CCDC178: variants seen among roughly 807,000 people sequenced by gnomAD.
CCDC178 encodes the protein coiled-coil domain-containing protein 178.
A neutral mutation model predicts 117.4 loss-of-function variants in CCDC178; 126 were observed. The observed-to-expected ratio is 1.07, with a 90% CI of 0.93 to 1.24. CCDC178 has a LOEUF of 1.24. CCDC178 is among the 50% of genes most tolerant of loss of function. The pLI, the probability that CCDC178 is intolerant of heterozygous loss-of-function variation, is 0.00. For missense variants in CCDC178, 1,030 were observed against 986.9 expected, an observed-to-expected ratio of 1.04 and a Z score of -0.59; for synonymous variants, 283 against 313.4, an observed-to-expected ratio of 0.90 and a Z score of 1.02.
At chr18:33,389,433 T>C in intron 5 of CCDC178, 107 bp downstream of exon 5, 1 of 425,822 alleles carries the variant, frequency 2.3e-6, no homozygotes, top group Non-Finnish European at 4.1e-6. Context: ...CAATTAACGA[T>C]ATGTAGGATT....
chr18:32,959,283 T>C (rs1338211512), intron 22 of CCDC178, among the ~76,000 whole-genome samples: 1 of 152,136 alleles, frequency 6.6e-6, no homozygotes, highest in Non-Finnish European at 1.5e-5. Flanking sequence ...TGCAGTTTCT[T>C]ACATGAATGA....
At chr18:33,392,315 C>T (rs2063575066) in intron 4 of CCDC178, among the ~76,000 whole-genome samples, 1 of 152,148 alleles carries the variant, frequency 6.6e-6, no homozygotes, top group Non-Finnish European at 1.5e-5. Context: ...AACTTCAGTC[C>T]CGGTCCCTAA....
chr18:33,414,138 C>A (rs2144906308), intron 2 of CCDC178, among the ~76,000 whole-genome samples: 1 of 152,080 alleles, frequency 6.6e-6, no homozygotes, highest in East Asian at 1.9e-4. Context: ...ATAAATCGAT[C>A]ATGTTTATAA....
At chr18:33,352,878 T>C (rs1183219849) in intron 7 of CCDC178, among the ~76,000 whole-genome samples, 2 of 152,092 alleles carry the variant, frequency 1.3e-5, no homozygotes. Context: ...GAGAAGAATG[T>C]GTTTTCTGCT....
At chr18:32,972,607 G>A (rs903930349) in intron 22 of CCDC178, among the ~76,000 whole-genome samples, 1 of 152,066 alleles carries the variant, frequency 6.6e-6, no homozygotes, top group African/African-American at 2.4e-5. Context: ...TGATAAAAAT[G>A]AGTATTGCAG....
At chr18:32,985,678 A>T (rs1171478623) in intron 21 of CCDC178, among the ~76,000 whole-genome samples, 1 of 152,062 alleles carries the variant, frequency 6.6e-6, no homozygotes, top group Non-Finnish European at 1.5e-5. Flanking sequence ...ACTAAATTGA[A>T]GATACTCAAA....
rs1555694609 is a variant in CCDC178 at position 32,988,118 on chromosome 18, T to TCATAATCATAATAAA, written c.2389-13438_2389-13437insTTTATTATGATTATG. On this transcript the variant is annotated intron_variant, in intron 21 of 22. Coordinates refer to ENST00000383096, the MANE Select transcript of CCDC178 (RefSeq NM_001105528.4). Reference sequence around the variant, plus strand: ...ATAATAATAATAATAATAATAATAATAAATTTATCAAAATTAATCATAAAA... The same window carrying TCATAATCATAATAAA: ...ATAATAATAATAATAATAATAATAATCATAATCATAATAAAAAATTTATCAAAATTAATCATAAAA... Among the ~76,000 whole-genome samples the TCATAATCATAATAAA allele has an allele frequency of 2.6e-3, 352 of 132,878 alleles. 1 individual carries two copies. The highest frequency in any genetic ancestry group is 9.8e-3 in the African/African-American group (343 of 34,824). 87.2% of individuals were successfully genotyped at this position (132,878 alleles called of 152,430 possible).
intron 12 of CCDC178, among the ~76,000 whole-genome samples, chr18:33,274,647 T>C (rs2059926775): frequency 1.3e-5 from 2 of 152,038 alleles, no homozygotes; most frequent in Non-Finnish European, 2.9e-5. Context: ...TTGCCTCAGG[T>C]AGCTCAGATG....
chr18:33,028,245 T>C (rs561780506), intron 21 of CCDC178, among the ~76,000 whole-genome samples: 51 of 151,840 alleles, frequency 3.4e-4, no homozygotes, highest in African/African-American at 1.2e-3. Context: ...AGGCAACTTG[T>C]CAAGACAGAA....
At chr18:33,402,897 C>T (rs768402044) in intron 3 of CCDC178, among the ~76,000 whole-genome samples, 17 of 152,172 alleles carry the variant, frequency 1.1e-4, no homozygotes, top group African/African-American at 1.9e-4. Flanking sequence ...TACATGTCCA[C>T]GCTTTATTAG....
intron 18 of CCDC178, among the ~76,000 whole-genome samples, chr18:33,219,805 T>G (rs540507457): frequency 1.7e-4 from 26 of 152,010 alleles, no homozygotes; most frequent in African/African-American, 6.0e-4. Context: ...GGGATAGCAT[T>G]AGGAGATATA....
intron 20 of CCDC178, among the ~76,000 whole-genome samples, chr18:33,108,040 T>A (rs796174264): frequency 2.4e-4 from 36 of 151,800 alleles, no homozygotes; most frequent in African/African-American, 8.7e-4. Context: ...AGACTTAGGA[T>A]GTTTGTCATG....
intron 21 of CCDC178, among the ~76,000 whole-genome samples, chr18:33,046,319 TGCTATTTGGCATA>T (rs2056642207): frequency 6.6e-6 from 1 of 152,128 alleles, no homozygotes; most frequent in Admixed American, 6.6e-5. Context: ...GACACACAAT[TGCTATTTGGCATA>T]GCTATGACTT....
At chr18:33,185,011 G>C (rs1180817005) in intron 20 of CCDC178, among the ~76,000 whole-genome samples, 1 of 151,920 alleles carries the variant, frequency 6.6e-6, no homozygotes, top group African/African-American at 2.4e-5. Flanking sequence ...CTCAAGTAAA[G>C]ATCTGTACAC....
intron 21 of CCDC178, among the ~76,000 whole-genome samples, chr18:33,065,768 G>T (rs942817449): frequency 6.6e-6 from 1 of 152,022 alleles, no homozygotes; most frequent in African/African-American, 2.4e-5. Context: ...TACAGGCAAG[G>T]AGAGAATGGG....
At chr18:33,003,299 A>T (rs1247942472) in intron 21 of CCDC178, among the ~76,000 whole-genome samples, 1 of 152,178 alleles carries the variant, frequency 6.6e-6, no homozygotes, top group African/African-American at 2.4e-5. Context: ...AAATATTAAC[A>T]AACTGAGTTC....
chr18:33,400,129 C>T (rs1378670601), intron 3 of CCDC178, among the ~76,000 whole-genome samples: 1 of 142,578 alleles, frequency 7.0e-6, no homozygotes, highest in Non-Finnish European at 1.5e-5. Flanking sequence ...CAGTAGGTCT[C>T]CATAGTGGCC....
Position 33,011,792 on chromosome 18 carries a change from A to T in CCDC178, c.2389-37111T>A, listed in dbSNP as rs1474565432. On this transcript the variant is annotated intron_variant, in intron 21 of 22. Coordinates refer to ENST00000383096, the MANE Select transcript of CCDC178 (RefSeq NM_001105528.4). ...CAAAAAAAAAAAAAAAAAAAAAAAA[A>T]AAAAAAAAAAAAAAAAGGACACAGG... Among the ~76,000 whole-genome samples, 88 of 121,150 alleles carry T rather than the reference A, an allele frequency of 7.3e-4. 1 individual carries two copies. The highest frequency in any genetic ancestry group is 2.7e-3 in the African/African-American group (76 of 28,648). The allele number at this position is 121,150 out of a possible 152,430, so 79.5% of individuals were successfully genotyped here. A position where few individuals can be genotyped will look rare whatever the true frequency, so the allele number is the denominator to read the frequency against.
At chr18:33,076,494 A>G (rs2057210011) in intron 21 of CCDC178, among the ~76,000 whole-genome samples, 1 of 152,210 alleles carries the variant, frequency 6.6e-6, no homozygotes, top group African/African-American at 2.4e-5. Context: ...GAGAGTTTCT[A>G]ATTATCAGCA....
Sources: gnomAD v4.1 joint callset for allele counts (sites outside exome capture counted in the v4.1 genomes callset) on GRCh38, gnomAD v4.1.1 for gene constraint, MANE v1.5 for transcripts, NCBI Gene and HGNC (gene_info 2026-07-23, HGNC 2026-07-21) for gene names.